Variants in HDC observed in about 807,000 individuals in gnomAD.
HDC encodes the protein histidine decarboxylase.
A neutral mutation model predicts 64.4 loss-of-function variants in HDC; 27 were observed. The ratio of observed to expected loss-of-function variants is 0.42; its 90% confidence interval spans 0.31 to 0.58. The LOEUF is 0.58. Ranked by LOEUF, HDC falls within the 20% of genes least tolerant of loss-of-function variation. The probability of loss-of-function intolerance (pLI) is 0.16; values close to 1 mark genes in which losing one functional copy is unlikely to be tolerated. For synonymous variants in HDC, 305 were observed against 314.2 expected, an observed-to-expected ratio of 0.97 and a Z score of 0.31; for missense variants, 711 against 833.9, an observed-to-expected ratio of 0.85 and a Z score of 1.81.
At chr15:50,253,171 C>A in intron 7 of HDC, 1 of 375,994 alleles carries the variant, frequency 2.7e-6, no homozygotes, top group Non-Finnish European at 5.0e-6. Context: ...TTAAACAGTC[C>A]CATCTGGGTT....
At position 50,242,190 on chromosome 15, in the gene HDC, G is replaced by T; in HGVS notation, c.*70C>A. 1.6e-6 allele frequency: 2 copies of T among 1,259,478 alleles called. No individual in the cohort carries two copies. The highest frequency in any genetic ancestry group is 1.2e-6 in the Non-Finnish European group (1 of 860,052). The allele number at this position is 1,259,478 out of a possible 1,614,324, so 78.0% of individuals were successfully genotyped here. A position where few individuals can be genotyped will look rare whatever the true frequency, so the allele number is the denominator to read the frequency against. On this transcript the variant is annotated 3_prime_UTR_variant, in exon 12 of 12. Transcript: ENST00000267845. ...CATGTACACATAAGCACACAAAGTT[G>T]GCATACAATTGTGAGGGGTTCACAG...
chr15:50,243,514 A>G (rs138779882), intron 10 of HDC, among the ~76,000 whole-genome samples: 81 of 152,344 alleles, frequency 5.3e-4, no homozygotes, highest in East Asian at 4.2e-3. Context: ...CCCAGAAGGC[A>G]TGTGCTTTGC....
chr15:50,250,865 C>T (rs1252332844), intron 9 of HDC, among the ~76,000 whole-genome samples: 4 of 152,128 alleles, frequency 2.6e-5, no homozygotes, highest in African/African-American at 7.2e-5. Context: ...TGAGGCTTAC[C>T]GCTGCAATTC....
intron 2 of HDC, among the ~76,000 whole-genome samples, chr15:50,259,156 C>T (rs567946979): frequency 9.3e-5 from 14 of 151,066 alleles, no homozygotes; most frequent in African/African-American, 1.5e-4. Flanking sequence ...AGCAAGACTC[C>T]GTCTCAAAAA....
rs2045584334 is a variant in HDC, at chr15:50,253,423, G to A, written c.787+177C>T. ...AACTCTTGTCACACCACTGGGAAAG[G>A]CAATGTCCAGGGATCCCTGGAAGAG... On this transcript the variant is annotated intron_variant, in intron 7 of 11. Transcript: ENST00000267845. 1.3e-5 allele frequency: 9 copies of A among 690,374 alleles called. No homozygotes were observed. The Admixed American group carries it at 1.8e-4, about 14-fold the overall frequency. 42.8% of individuals were successfully genotyped at this position (690,374 alleles called of 1,614,324 possible).
chr15:50,252,514 CT>C lies in HDC; in HGVS notation c.956del (p.Lys319ArgfsTer12). The C allele has an allele frequency of 6.2e-7, 1 of 1,614,218 alleles. No individual in the cohort carries two copies. Among genetic ancestry groups the C allele is most frequent in the Non-Finnish European group, 8.5e-7 (1 of 1,180,032 alleles). Reference protein sequence around the residue: ...VHFDCTGFWVKDKYKLQQTFS... With the variant: ...VHFDCTGFWVXDKYKLQQTFS... ...AGGTCTGCTGCAGCTTGTACTTGTCCTTGACCCTGTGGGTTTCCAAATGGGC... is the reference window on the plus strand; with the variant it reads ...AGGTCTGCTGCAGCTTGTACTTGTCCTGACCCTGTGGGTTTCCAAATGGGC... On this transcript the variant is annotated frameshift_variant, in exon 9 of 12. Transcript: ENST00000267845. LOFTEE classifies it high-confidence loss of function.
Position 50,253,755 on chromosome 15 carries a change from A to G in HDC, c.721-89T>C, listed in dbSNP as rs2045589347. 1.0e-5 allele frequency: 10 copies of G among 971,742 alleles called. No homozygotes were observed. In the Admixed American group the frequency reaches 1.4e-4, roughly 14 times the overall value. 60.2% of individuals were successfully genotyped at this position (971,742 alleles called of 1,614,324 possible). A position where few individuals can be genotyped will look rare whatever the true frequency, so the allele number is the denominator to read the frequency against. ...AAAGATTTCACCACAGACGTGATCTACTCCCATCCATCCCACCAGAACAGT... is the reference window on the plus strand; with the variant it reads ...AAAGATTTCACCACAGACGTGATCTGCTCCCATCCATCCCACCAGAACAGT... On this transcript the variant is annotated intron_variant, in intron 6 of 11. Coordinates refer to ENST00000267845, the MANE Select transcript of HDC (RefSeq NM_002112.4).
In HDC at chr15:50,248,955, G is replaced by T. The variant is rs1221307163; in HGVS notation, c.1042-612C>A. ...GAGCCTCAGAAGAAGTTGTCAGTAG[G>T]TGTTGGCTATTTAGATTATTTTAAA... On this transcript the variant is annotated intron_variant, in intron 9 of 11. Coordinates refer to ENST00000267845, the MANE Select transcript of HDC (RefSeq NM_002112.4). This position sits in a 1 kb window ranked among gnomAD's most constrained non-coding sequence, Gnocchi z 4.3. Among the ~76,000 whole-genome samples, 1 of 152,196 alleles carries T rather than the reference G, an allele frequency of 6.6e-6. No individual in the cohort carries two copies. Among genetic ancestry groups the T allele is most frequent in the Non-Finnish European group, 1.5e-5 (1 of 68,034 alleles).
At chr15:50,257,188 AATGTGATC>A (rs1408201076) in intron 4 of HDC, among the ~76,000 whole-genome samples, 3 of 152,244 alleles carry the variant, frequency 2.0e-5, no homozygotes, top group African/African-American at 7.2e-5. Context: ...TCATACTGGA[AATGTGATC>A]ATGTGTTGGC....
At chr15:50,243,290 G>A (rs1232753365) in intron 10 of HDC, 46 bp from the exon 11 acceptor site, 2 of 1,246,572 alleles carry the variant, frequency 1.6e-6, no homozygotes, top group Admixed American at 3.4e-5. Flanking sequence ...CATCAGACAA[G>A]AGACTATGCA....
Position 50,264,258 on chromosome 15 carries a change from C to T in HDC, c.32-851G>A, listed in dbSNP as rs549383322. 5.1e-4 allele frequency among the ~76,000 whole-genome samples: 77 copies of T among 152,264 alleles called. 2 individuals are homozygous for T. The South Asian group carries it at 8.3e-3, about 16-fold the overall frequency. On this transcript the variant is annotated intron_variant, in intron 1 of 11. Transcript: ENST00000267845. ...TCATATGAGGACTTAATTCAAGAAT[C>T]TGATTAAAACTGTAGGCTTACATAT... is the stretch of plus-strand genomic sequence containing the variant.
intron 1 of HDC, among the ~76,000 whole-genome samples, chr15:50,264,067 A>G (rs1296317501): frequency 2.0e-5 from 3 of 152,176 alleles, no homozygotes; most frequent in Admixed American, 6.5e-5. Context: ...TATAGGTTCA[A>G]TAGAAACTCT....
chr15:50,265,712 C>T lies in HDC; in HGVS notation c.-89G>A. ...TGGAGCAGCCCGGCTTCCCTCTTGC[C>T]AGTCCTGCGCACTCCCTGGCAGCCA... On this transcript the variant is annotated 5_prime_UTR_variant, in exon 1 of 12. Transcript: ENST00000267845. 1 of 1,189,168 alleles carries T rather than the reference C, an allele frequency of 8.4e-7. No homozygotes were observed. Among genetic ancestry groups the T allele is most frequent in the South Asian group, 1.2e-5 (1 of 80,842 alleles). 73.7% of individuals were successfully genotyped at this position (1,189,168 alleles called of 1,614,324 possible). A position where few individuals can be genotyped will look rare whatever the true frequency, so the allele number is the denominator to read the frequency against.
In HDC at chr15:50,265,714, G is replaced by T; in HGVS notation, c.-91C>A. The T allele has an allele frequency of 8.4e-7, 1 of 1,190,194 alleles. No individual in the cohort carries two copies. Among genetic ancestry groups the T allele is most frequent in the Non-Finnish European group, 1.3e-6 (1 of 799,160 alleles). The allele number at this position is 1,190,194 out of a possible 1,614,324, so 73.7% of individuals were successfully genotyped here. ...GAGCAGCCCGGCTTCCCTCTTGCCA[G>T]TCCTGCGCACTCCCTGGCAGCCAGT... On this transcript the variant is annotated 5_prime_UTR_variant, in exon 1 of 12. In the 5' UTR this introduces an upstream ATG that the reference lacks. Coordinates refer to ENST00000267845, the MANE Select transcript of HDC (RefSeq NM_002112.4).
At chr15:50,245,648 A>G (rs1248475337) in intron 10 of HDC, among the ~76,000 whole-genome samples, 1 of 152,182 alleles carries the variant, frequency 6.6e-6, no homozygotes, top group Non-Finnish European at 1.5e-5. Flanking sequence ...TAATCCTCGC[A>G]CTTTGGGAGG....
In HDC at chr15:50,248,459, A is replaced by C. The variant is rs1261283676; in HGVS notation, c.1042-116T>G. ...CCCTCCAGGGATGGACGATGTCACC[A>C]TGACTCTGGGAGCTGTTGCTAAGGA... is the stretch of plus-strand genomic sequence containing the variant. On this transcript the variant is annotated intron_variant, in intron 9 of 11. Transcript: ENST00000267845. This position sits in a 1 kb window ranked among gnomAD's most constrained non-coding sequence, Gnocchi z 4.3. The C allele has an allele frequency of 1.3e-6, 1 of 745,954 alleles. No homozygotes were observed. Among genetic ancestry groups the C allele is most frequent in the African/African-American group, 1.7e-5 (1 of 58,116 alleles). 46.2% of individuals were successfully genotyped at this position (745,954 alleles called of 1,614,324 possible). A position where few individuals can be genotyped will look rare whatever the true frequency, so the allele number is the denominator to read the frequency against.
In HDC at chr15:50,242,751, A is replaced by T. The variant is rs751916104; in HGVS notation, c.1498T>A (p.Trp500Arg). 6.2e-7 allele frequency: 1 copy of T among 1,614,022 alleles called. No individual in the cohort carries two copies. Residue 500 changes from tryptophan to arginine, a missense_variant, in exon 12 of 12, where the codon TGG becomes AGG. Around this residue, in one of 3 missense-constraint regions of HDC, gnomAD observed 483 missense variants for 540.9 expected, o/e 0.89. Coordinates refer to ENST00000267845, the MANE Select transcript of HDC (RefSeq NM_002112.4). ...LISQIRGARAWACGTSLQSVS... is the reference protein window; with the variant it reads ...LISQIRGARARACGTSLQSVS... ...GACTGAAGGGACGTTCCACAGGCCC[A>T]GGCTCTGGCACCCCTGATTTGGGAG...
Position 50,252,442 on chromosome 15 carries a change from G to T in HDC, c.1029C>A (p.Ala343=). The change falls in exon 9 of 12, where the codon GCC becomes GCA. Residue 343 remains alanine, a synonymous_variant. Coordinates refer to ENST00000267845, the MANE Select transcript of HDC (RefSeq NM_002112.4). ...CCTGGCCACTCACCATGAAGTCGGT[G>T]GCCACGCCTGAGTTGGCATGCCTGA... ...IYLRHANSGV[A]TDFMHWQIPL... is the part of the protein sequence containing the mutation. The T allele has an allele frequency of 6.2e-7, 1 of 1,614,056 alleles. No homozygotes were observed. Among genetic ancestry groups the T allele is most frequent in the Non-Finnish European group, 8.5e-7 (1 of 1,179,912 alleles).
At position 50,248,433 on chromosome 15, in the gene HDC, GC is replaced by G. The variant is rs961824782; in HGVS notation, c.1042-91del. ...CTGGGCATTATCTGTTGCCTGCCCAGCCCTCCAGGGATGGACGATGTCACCA... is the reference window on the plus strand; with the variant it reads ...CTGGGCATTATCTGTTGCCTGCCCAGCCTCCAGGGATGGACGATGTCACCA... On this transcript the variant is annotated intron_variant, in intron 9 of 11. Transcript: ENST00000267845. This position sits in a 1 kb window ranked among gnomAD's most constrained non-coding sequence, Gnocchi z 4.3. The G allele has an allele frequency of 9.4e-6, 8 of 850,406 alleles. No individual in the cohort carries two copies. In the African/African-American group the frequency reaches 1.3e-4, roughly 14 times the overall value. 52.7% of individuals were successfully genotyped at this position (850,406 alleles called of 1,614,324 possible). A position where few individuals can be genotyped will look rare whatever the true frequency, so the allele number is the denominator to read the frequency against.
Sources: gnomAD v4.1 joint callset for allele counts (sites outside exome capture counted in the v4.1 genomes callset) on GRCh38, gnomAD v4.1.1 for gene constraint, gnomAD v4.1.1 regional missense constraint, Gnocchi (gnomAD v3.1) non-coding constraint, MANE v1.5 for transcripts, NCBI Gene and HGNC (gene_info 2026-07-23, HGNC 2026-07-21) for gene names.